The following PHACTR1 variants were observed in gnomAD, a reference collection of about 807,000 sequenced individuals.
PHACTR1 encodes the protein phosphatase and actin regulator 1.
In PHACTR1, 16 loss-of-function variants were observed where a neutral mutation model predicts 69.2. The observed-to-expected ratio is 0.23, with a 90% CI of 0.16 to 0.35. PHACTR1 has a LOEUF of 0.35. Ranked by LOEUF, PHACTR1 falls within the 10% of genes least tolerant of loss-of-function variation. The pLI is 1.00. For missense variants in PHACTR1, 510 were observed against 734.7 expected, an observed-to-expected ratio of 0.69 and a Z score of 3.54; for synonymous variants, 312 against 284.5, an observed-to-expected ratio of 1.10 and a Z score of -0.97.
chr6:13,204,727 C>T (rs1010287584), intron 7 of PHACTR1, among the ~76,000 whole-genome samples: 1 of 152,232 alleles, frequency 6.6e-6, no homozygotes, highest in Non-Finnish European at 1.5e-5. Context: ...CACTCTCACT[C>T]CTGCCCCACT....
At chr6:12,965,451 C>CATTTTTTTTTTTTTTTTT (rs60864787) in intron 4 of PHACTR1, among the ~76,000 whole-genome samples, 1 of 131,966 alleles carries the variant, frequency 7.6e-6, no homozygotes, top group African/African-American at 2.8e-5. Context: ...TATTTTGTGC[C>CATTTTTTTTTTTTTTTTT]TTTTTTTTTT....
chr6:12,767,155 A>G (rs749817051), intron 4 of PHACTR1, among the ~76,000 whole-genome samples: 6 of 152,196 alleles, frequency 3.9e-5, no homozygotes, highest in African/African-American at 1.2e-4. Context: ...CACATTTCCC[A>G]GCTAATGCCA....
chr6:12,994,000 T>A (rs988753812), intron 4 of PHACTR1, among the ~76,000 whole-genome samples: 1 of 152,042 alleles, frequency 6.6e-6, no homozygotes, highest in Admixed American at 6.6e-5. Context: ...TATAAAGGTT[T>A]CTATCAAATA....
chr6:13,023,581 A>G (rs916895675), intron 4 of PHACTR1, among the ~76,000 whole-genome samples: 1 of 152,234 alleles, frequency 6.6e-6, no homozygotes, highest in Non-Finnish European at 1.5e-5. Context: ...GGACTGTGAC[A>G]TTCTGCTTCC....
intron 11 of PHACTR1, 128 bp downstream of exon 11, chr6:13,273,043 GC>G (rs1778100748): frequency 7.4e-7 from 1 of 1,353,006 alleles, no homozygotes; most frequent in Admixed American, 2.2e-5. Flanking sequence ...AACGGTTGAA[GC>G]TTCATGTGTG....
chr6:12,951,886 G>C (rs1416833382), intron 4 of PHACTR1, among the ~76,000 whole-genome samples: 1 of 152,180 alleles, frequency 6.6e-6, no homozygotes, highest in Non-Finnish European at 1.5e-5. Flanking sequence ...TTCAACAAGA[G>C]TTTGTTAAAC....
intron 4 of PHACTR1, among the ~76,000 whole-genome samples, chr6:12,797,182 A>T (rs1773128198): frequency 6.6e-6 from 1 of 152,162 alleles, no homozygotes; most frequent in Non-Finnish European, 1.5e-5. Context: ...GGACAGATTG[A>T]TAACATGAAA....
At chr6:12,800,038 A>C (rs1009403068) in intron 4 of PHACTR1, among the ~76,000 whole-genome samples, 1 of 152,200 alleles carries the variant, frequency 6.6e-6, no homozygotes, top group Non-Finnish European at 1.5e-5. Flanking sequence ...TGCTAAAAAC[A>C]CTGAAATCCA....
chr6:12,957,766 T>C lies in PHACTR1; in HGVS notation c.251-95599T>C, dbSNP rs986610068. The C allele has an allele frequency of 1.8e-5, 18 of 985,310 alleles. No individual in the cohort carries two copies. In the African/African-American group the frequency reaches 2.4e-4, roughly 13 times the overall value. 61.0% of individuals were successfully genotyped at this position (985,310 alleles called of 1,614,324 possible). A position where few individuals can be genotyped will look rare whatever the true frequency, so the allele number is the denominator to read the frequency against. The stretch of plus-strand genomic sequence containing the variant: ...CCTAGTCCACGGTGAGTTGAATCCA[T>C]CCCCCGACTTTGGTTGACACCCTCC... On this transcript the variant is annotated intron_variant, in intron 4 of 14. Transcript: ENST00000332995.
At chr6:13,231,232 GAGAGAAAGAAAGAAGGAA>G (rs1204849856) in intron 10 of PHACTR1, among the ~76,000 whole-genome samples, 97 of 139,188 alleles carry the variant, frequency 7.0e-4, no homozygotes, top group Admixed American at 1.2e-3. Context: ...AAGAAGGAAA[GAGAGAAAGAAAGAAGGAA>G]AGAGAAAGAA....
intron 5 of PHACTR1, among the ~76,000 whole-genome samples, chr6:13,071,080 G>C (rs1583225855): frequency 6.6e-6 from 1 of 152,090 alleles, no homozygotes; most frequent in East Asian, 1.9e-4. Flanking sequence ...AGAGTTGGGT[G>C]AAGGCAATTT....
intron 10 of PHACTR1, among the ~76,000 whole-genome samples, chr6:13,264,275 T>G (rs986915515): frequency 1.3e-5 from 2 of 152,240 alleles, no homozygotes; most frequent in Non-Finnish European, 2.9e-5. Flanking sequence ...GCTACCTCCA[T>G]CCCTTGGATC....
intron 4 of PHACTR1, among the ~76,000 whole-genome samples, chr6:13,049,287 A>G (rs141403770): frequency 5.9e-4 from 90 of 152,186 alleles, no homozygotes; most frequent in Middle Eastern, 3.4e-3. Context: ...ATATTTTCAT[A>G]CCTCTGAAGA....
intron 4 of PHACTR1, among the ~76,000 whole-genome samples, chr6:13,026,125 C>G (rs1447278529): frequency 6.6e-6 from 1 of 152,204 alleles, no homozygotes; most frequent in Non-Finnish European, 1.5e-5. Flanking sequence ...TTGAAAATAT[C>G]ATAGCCTAAA....
intron 4 of PHACTR1, among the ~76,000 whole-genome samples, chr6:13,053,119 T>A (rs944082946): frequency 5.3e-5 from 8 of 152,148 alleles, no homozygotes; most frequent in African/African-American, 1.9e-4. Context: ...CCTCTTTCTC[T>A]TCCTCCTCCA....
chr6:12,862,824 A>T (rs189124041), intron 4 of PHACTR1, among the ~76,000 whole-genome samples: 44 of 152,326 alleles, frequency 2.9e-4, no homozygotes, highest in African/African-American at 9.6e-4. Flanking sequence ...TACAATATAT[A>T]AATAACCTTG....
At chr6:13,086,146 G>A (rs1447585871) in intron 5 of PHACTR1, among the ~76,000 whole-genome samples, 2 of 137,724 alleles carry the variant, frequency 1.5e-5, no homozygotes, top group Non-Finnish European at 1.5e-5. Flanking sequence ...AGAACTCAGA[G>A]TTTTTAATCA....
chr6:13,223,849 C>G (rs1028587877), intron 8 of PHACTR1, among the ~76,000 whole-genome samples: 1 of 152,146 alleles, frequency 6.6e-6, no homozygotes, highest in Non-Finnish European at 1.5e-5. Context: ...TATTCACTCT[C>G]CCTTCTTTCC....
rs1770056234 is a variant in PHACTR1, at chr6:13,227,857, C to G, written c.1028C>G (p.Ser343Cys). 1 of 1,613,900 alleles carries G rather than the reference C, an allele frequency of 6.2e-7. No individual in the cohort carries two copies. The highest frequency in any genetic ancestry group is 8.5e-7 in the Non-Finnish European group (1 of 1,179,902). The change falls in exon 9 of 15, where the codon TCT (serine) becomes TGT (cysteine). Residue 343 changes from serine (S) to cysteine (C), a missense_variant. Physicochemically the swap from Ser to Cys is moderately radical, Grantham distance 112 (BLOSUM62 -1). Around this residue, in one of 2 missense-constraint regions of PHACTR1, gnomAD observed 419 missense variants for 530.9 expected, o/e 0.79. Coordinates refer to ENST00000332995, the MANE Select transcript of PHACTR1 (RefSeq NM_030948.6). ...RVPCSTSYHS[S>C]GLHSGDGVTK... ...CCCTGTTCCACTTCTTACCACAGCT[C>G]TGGGTTGCACTCGGGTGATGGGGTC...
Sources: gnomAD v4.1 joint callset for allele counts (sites outside exome capture counted in the v4.1 genomes callset) on GRCh38, gnomAD v4.1.1 for gene constraint, gnomAD v4.1.1 regional missense constraint, MANE v1.5 for transcripts, NCBI Gene and HGNC (gene_info 2026-07-23, HGNC 2026-07-21) for gene names.